The following DENND2B variants were observed in gnomAD, a reference collection of about 807,000 sequenced individuals.
DENND2B encodes the protein DENN domain containing 2B, also known as DENN domain-containing protein 2B.
Under a neutral mutation model 116.0 loss-of-function variants are expected in DENND2B, and 32 were observed. The ratio of observed to expected loss-of-function variants is 0.28; its 90% CI spans 0.21 to 0.37. The LOEUF (loss-of-function observed/expected upper bound fraction) is 0.37. DENND2B is among the 10% of genes least tolerant of loss of function. DENND2B has a pLI of 1.00. For synonymous variants in DENND2B, 588 were observed against 583.9 expected (o/e 1.01, Z -0.10); for missense variants, 1,276 against 1,477.7 (o/e 0.86, Z 2.24).
In DENND2B at chr11:8,712,226, G is replaced by T. The variant is rs931346118; in HGVS notation, c.2172+325C>A. On this transcript the variant is annotated intron_variant, in intron 9 of 19. Coordinates refer to ENST00000313726, the MANE Select transcript of DENND2B (RefSeq NM_213618.2). This position sits in a 1 kb window ranked among gnomAD's most constrained non-coding sequence, Gnocchi z 4.4. ...ATGTTCTAAAATTGACTGTGGTGATGATTGCACAATTCTGTGAATACACCC... is the reference window on the plus strand; with the variant it reads ...ATGTTCTAAAATTGACTGTGGTGATTATTGCACAATTCTGTGAATACACCC... Among the ~76,000 whole-genome samples, 40 of 152,216 alleles carry T rather than the reference G, an allele frequency of 2.6e-4. No homozygotes were observed. The highest frequency in any genetic ancestry group is 9.6e-4 in the African/African-American group (40 of 41,466).
chr11:8,823,745 A>G (rs1256326736), intron 4 of DENND2B, among the ~76,000 whole-genome samples: 2 of 152,320 alleles, frequency 1.3e-5, no homozygotes, highest in Admixed American at 6.5e-5. Context: ...TCTTTCTCAT[A>G]TAAATTACCC....
intron 1 of DENND2B, among the ~76,000 whole-genome samples, chr11:8,792,613 C>T (rs898056132): frequency 1.3e-5 from 2 of 152,100 alleles, no homozygotes; most frequent in Non-Finnish European, 2.9e-5. Context: ...GAAAAATTAA[C>T]AATGTATTTG....
chr11:8,899,084 C>A (rs1354472063), intron 1 of DENND2B, among the ~76,000 whole-genome samples: 1 of 151,820 alleles, frequency 6.6e-6, no homozygotes, highest in African/African-American at 2.4e-5. Context: ...ACTAGAGGGG[C>A]TCAAGAGCAA....
intron 1 of DENND2B, among the ~76,000 whole-genome samples, chr11:8,897,394 C>G (rs1182150457): frequency 6.6e-6 from 1 of 152,200 alleles, no homozygotes; most frequent in African/African-American, 2.4e-5. Context: ...TCCCTACACT[C>G]CCTACCCCCA....
intron 3 of DENND2B, among the ~76,000 whole-genome samples, chr11:8,844,782 T>C (rs2062755198): frequency 7.2e-6 from 1 of 139,628 alleles, no homozygotes; most frequent in Non-Finnish European, 1.6e-5. Context: ...TCACCCAAGC[T>C]GGAGTGCAGT....
intron 3 of DENND2B, among the ~76,000 whole-genome samples, chr11:8,839,778 C>T (rs1307594163): frequency 6.6e-6 from 1 of 152,178 alleles, no homozygotes; most frequent in East Asian, 1.9e-4. Context: ...AACACCTCAG[C>T]TCAAGAAGCA....
chr11:8,753,183 G>C (rs2052865790), intron 1 of DENND2B, among the ~76,000 whole-genome samples: 1 of 152,128 alleles, frequency 6.6e-6, no homozygotes, highest in African/African-American at 2.4e-5. Context: ...GTTGCAGCAA[G>C]CCAAGATTGC....
chr11:8,890,739 C>A (rs2064021138), intron 1 of DENND2B, among the ~76,000 whole-genome samples: 1 of 152,126 alleles, frequency 6.6e-6, no homozygotes, highest in Non-Finnish European at 1.5e-5. Context: ...TATAAGACTA[C>A]ATGAAAAGAC....
chr11:8,817,253 A>C (rs2061600485), intron 4 of DENND2B, among the ~76,000 whole-genome samples: 1 of 152,142 alleles, frequency 6.6e-6, no homozygotes, highest in Non-Finnish European at 1.5e-5. Context: ...GTCTACTGCA[A>C]ATCAAGCATT....
At chr11:8,837,508 C>G (rs982794624) in intron 4 of DENND2B, among the ~76,000 whole-genome samples, 2 of 152,094 alleles carry the variant, frequency 1.3e-5, no homozygotes, top group Non-Finnish European at 2.9e-5. Flanking sequence ...CCACCATGCC[C>G]GGCTAATTTT....
chr11:8,708,843 T>C (rs1163846026), intron 11 of DENND2B, among the ~76,000 whole-genome samples: 1 of 151,472 alleles, frequency 6.6e-6, no homozygotes, highest in Non-Finnish European at 1.5e-5. Flanking sequence ...CCCAGCTACT[T>C]AGGAGGCTAA....
chr11:8,747,659 G>C (rs2051514700), intron 2 of DENND2B, among the ~76,000 whole-genome samples: 1 of 152,150 alleles, frequency 6.6e-6, no homozygotes, highest in South Asian at 2.1e-4. Flanking sequence ...TGTGGGGAGA[G>C]TGTATCTGGC....
chr11:8,904,611 GA>G (rs2064212400), intron 1 of DENND2B, among the ~76,000 whole-genome samples: 1 of 152,002 alleles, frequency 6.6e-6, no homozygotes, highest in Admixed American at 6.6e-5. Flanking sequence ...TGATTGAAAA[GA>G]AAAAAGTTAG....
chr11:8,788,782 G>A (rs2059130966), intron 1 of DENND2B, among the ~76,000 whole-genome samples: 1 of 152,168 alleles, frequency 6.6e-6, no homozygotes, highest in South Asian at 2.1e-4. Context: ...GCCCTCTACT[G>A]TCTGACCACA....
At chr11:8,813,850 T>C (rs1244766820), upstream of DENND2B, among the ~76,000 whole-genome samples, 1 of 152,172 alleles carries the variant, frequency 6.6e-6, no homozygotes, top group African/African-American at 2.4e-5. Context: ...CTGAGAGAAC[T>C]GGAATCCCTG....
chr11:8,731,100 G>A lies in DENND2B; in HGVS notation c.190C>T (p.Arg64Trp), dbSNP rs369886137. Residue 64 changes from arginine to tryptophan, a missense_variant, in exon 3 of 20, where the codon CGG becomes TGG. Physicochemically the swap from Arg to Trp is moderately radical, Grantham distance 101. Transcript: ENST00000313726. ...ACRYPSHSSS[R>W]VLLKDRHPPA... ...GGGTGCCGGTCCTTGAGGAGCACCCGGGAGCTGGAGTGGCTGGGGTACCTG... is the reference window on the plus strand; with the variant it reads ...GGGTGCCGGTCCTTGAGGAGCACCCAGGAGCTGGAGTGGCTGGGGTACCTG... 6.4e-5 allele frequency: 103 copies of A among 1,608,338 alleles called. No homozygotes were observed. The highest frequency in any genetic ancestry group is 8.2e-5 in the Non-Finnish European group (96 of 1,176,432).
intron 3 of DENND2B, among the ~76,000 whole-genome samples, chr11:8,839,707 G>C (rs1254847228): frequency 2.0e-5 from 3 of 152,082 alleles, no homozygotes; most frequent in Admixed American, 1.3e-4. Context: ...TAACCTCAAA[G>C]GGTTTCCATT....
chr11:8,888,540 A>G (rs2063987944), intron 1 of DENND2B, among the ~76,000 whole-genome samples: 1 of 152,218 alleles, frequency 6.6e-6, no homozygotes, highest in South Asian at 2.1e-4. Context: ...ATATGACACA[A>G]AGGCACAGGC....
chr11:8,787,926 T>G, intron 1 of DENND2B, among the ~76,000 whole-genome samples: 1 of 152,200 alleles, frequency 6.6e-6, no homozygotes, highest in East Asian at 1.9e-4. Context: ...TCCTCTAAGT[T>G]TGATGGCTAT....
Sources: gnomAD v4.1 joint callset for allele counts (sites outside exome capture counted in the v4.1 genomes callset) on GRCh38, gnomAD v4.1.1 for gene constraint, Gnocchi (gnomAD v3.1) non-coding constraint, MANE v1.5 for transcripts, NCBI Gene and HGNC (gene_info 2026-07-23, HGNC 2026-07-21) for gene names.